The following FBXO34 variants were observed in gnomAD, a reference collection of about 807,000 sequenced individuals.
FBXO34 encodes F-box protein 34.
FBXO34 carries 12 observed loss-of-function variants against 24.5 expected under a neutral mutation model. The ratio of observed to expected loss-of-function variants is 0.49; its 90% CI spans 0.31 to 0.79. FBXO34 has a LOEUF of 0.79. Among genes scored for constraint, FBXO34 ranks in the 30% least tolerant of loss-of-function variants. The pLI is 0.04. For synonymous variants in FBXO34, 320 were observed against 311.9 expected (o/e 1.03, Z -0.27); for missense variants, 823 against 857.7 (o/e 0.96, Z 0.51).
At chr14:55,332,301 G>A (rs1382988449) in intron 1 of FBXO34, among the ~76,000 whole-genome samples, 1 of 151,744 alleles carries the variant, frequency 6.6e-6, no homozygotes, top group Admixed American at 6.6e-5. Context: ...TTATCCTTGG[G>A]CATTTTTCTC....
At chr14:55,393,204 AC>A in the FBXO34 span, among the ~76,000 whole-genome samples, 6 of 145,604 alleles carry the variant, frequency 4.1e-5, no homozygotes, top group African/African-American at 9.9e-5. Flanking sequence ...ACACGGTGAA[AC>A]CCCGTCTCTA....
chr14:55,302,873 A>G (rs1882411907), intron 1 of FBXO34, among the ~76,000 whole-genome samples: 2 of 152,218 alleles, frequency 1.3e-5, no homozygotes, highest in Admixed American at 6.6e-5. Context: ...GCGGCAAAGA[A>G]TTAGGGACTT....
chr14:55,351,328 G>A lies in FBXO34; in HGVS notation c.938G>A (p.Gly313Asp). ...AATAACAGCTTCCGTCGAAATGTGG[G>A]CAGAGTATTGCTTGCAAATAGCACT... is the stretch of plus-strand genomic sequence containing the variant. ...SRNNSFRRNV[G>D]RVLLANSTQA... The change falls in exon 2 of 2, where the codon GGC (glycine) becomes GAC (aspartate). Residue 313 changes from glycine to aspartate, a missense_variant. Around this residue, in one of 2 missense-constraint regions of FBXO34, gnomAD observed 693 missense variants for 659.1 expected, o/e 1.05. Coordinates refer to ENST00000313833, the MANE Select transcript of FBXO34 (RefSeq NM_017943.4). The A allele has an allele frequency of 6.2e-7, 1 of 1,614,210 alleles. No individual in the cohort carries two copies. Among genetic ancestry groups the A allele is most frequent in the South Asian group, 1.1e-5 (1 of 91,082 alleles).
chr14:55,290,202 T>C (rs901645826), intron 1 of FBXO34, among the ~76,000 whole-genome samples: 1 of 152,024 alleles, frequency 6.6e-6, no homozygotes, highest in Non-Finnish European at 1.5e-5. Context: ...GAGACCAGCC[T>C]GGCCAACATG....
the FBXO34 span, chr14:55,411,479 C>G: frequency 1.0e-6 from 1 of 960,192 alleles, no homozygotes; most frequent in South Asian, 1.6e-5. Context: ...GCTACACTCC[C>G]TCTCTCTCGC....
intron 1 of FBXO34, among the ~76,000 whole-genome samples, chr14:55,279,208 C>G (rs963084773): frequency 6.6e-6 from 1 of 151,732 alleles, no homozygotes; most frequent in African/African-American, 2.4e-5. Flanking sequence ...ATTGCTTGAA[C>G]CCGGGAGACG....
At chr14:55,289,186 C>A (rs1400963110) in intron 1 of FBXO34, among the ~76,000 whole-genome samples, 1 of 151,878 alleles carries the variant, frequency 6.6e-6, no homozygotes, top group Non-Finnish European at 1.5e-5. Flanking sequence ...TTTTTTCCCC[C>A]CTTTCCAGCA....
At chr14:55,437,158 G>T in the FBXO34 span, 227 of 715,414 alleles carry the variant, frequency 3.2e-4, no homozygotes, top group Middle Eastern at 1.6e-3. Context: ...TTCATGCACT[G>T]CTTTTTTCTA....
Position 55,313,827 on chromosome 14 carries a change from C to T in FBXO34, c.-10-36554C>T, listed in dbSNP as rs192081842. Among the ~76,000 whole-genome samples, 3 of 152,296 alleles carry T rather than the reference C, an allele frequency of 2.0e-5. No individual in the cohort carries two copies. The East Asian group carries it at 5.8e-4, about 29-fold the overall frequency. ...TACCTCCATCTGCTCCCTCCCTTGA[C>T]ATGCGGAGATTATGGGGATTATAAT... On this transcript the variant is annotated intron_variant, in intron 1 of 1. Coordinates refer to ENST00000313833, the MANE Select transcript of FBXO34 (RefSeq NM_017943.4).
At chr14:55,300,886 C>G (rs527661207) in intron 1 of FBXO34, among the ~76,000 whole-genome samples, 1 of 152,242 alleles carries the variant, frequency 6.6e-6, no homozygotes, top group South Asian at 2.1e-4. Context: ...AGCCTTATAT[C>G]CCAATGAGCA....
At chr14:55,431,816 C>T in the FBXO34 span, among the ~76,000 whole-genome samples, 1 of 152,150 alleles carries the variant, frequency 6.6e-6, no homozygotes, top group Non-Finnish European at 1.5e-5. Flanking sequence ...AATTCAGTCC[C>T]TCAGTTGTAT....
chr14:55,295,935 C>T (rs1882105672), intron 1 of FBXO34, among the ~76,000 whole-genome samples: 1 of 152,118 alleles, frequency 6.6e-6, no homozygotes, highest in Admixed American at 6.6e-5. Flanking sequence ...GCTTTAGCTT[C>T]CCATGATTTA....
At chr14:55,307,707 G>A (rs954826716) in intron 1 of FBXO34, among the ~76,000 whole-genome samples, 3 of 152,112 alleles carry the variant, frequency 2.0e-5, no homozygotes, top group Non-Finnish European at 1.5e-5. Flanking sequence ...AAGTGATGGA[G>A]GAAAAAGTAA....
At chr14:55,387,119 T>A in the FBXO34 span, among the ~76,000 whole-genome samples, 1 of 152,120 alleles carries the variant, frequency 6.6e-6, no homozygotes, top group South Asian at 2.1e-4. Flanking sequence ...CACGCCTTCA[T>A]GCCCTCTTTC....
chr14:55,335,543 C>A (rs571806843), intron 1 of FBXO34: 3 of 152,214 alleles, frequency 2.0e-5, no homozygotes, highest in Admixed American at 6.5e-5. Flanking sequence ...TATGTAGGAA[C>A]CTCTGTACAA....
At position 55,350,501 on chromosome 14, in the gene FBXO34, A is replaced by T. The variant is rs199824919; in HGVS notation, c.111A>T (p.Thr37=). The T allele has an allele frequency of 3.1e-6, 5 of 1,614,012 alleles. No individual in the cohort carries two copies. In the South Asian group the frequency reaches 5.5e-5, roughly 18 times the overall value. ...ACCAAAAGGCTGTAAATGATGAAACATGCAAAGCTAGCCACATAACATCAA... is the reference window on the plus strand; with the variant it reads ...ACCAAAAGGCTGTAAATGATGAAACTTGCAAAGCTAGCCACATAACATCAA... ...MNHQKAVNDE[T]CKASHITSSV... is the part of the protein sequence containing the mutation. Residue 37 remains threonine (T), a synonymous_variant, in exon 2 of 2, where the codon ACA becomes ACT. Transcript: ENST00000313833.
the FBXO34 span, among the ~76,000 whole-genome samples, chr14:55,388,775 T>C: frequency 6.6e-6 from 1 of 152,086 alleles, no homozygotes; most frequent in African/African-American, 2.4e-5. Context: ...GTCTAGAGGG[T>C]GGGAAGGAGA....
intron 1 of FBXO34, among the ~76,000 whole-genome samples, chr14:55,280,527 C>T (rs112508138): frequency 0.064 from 8,027 of 125,786 alleles, 360 homozygotes; most frequent in South Asian, 0.099. Context: ...ATATCAGGAA[C>T]TTTTTTTTTT....
chr14:55,274,221 T>C lies in FBXO34; in HGVS notation c.-11+2684T>C, dbSNP rs145891526. On this transcript the variant is annotated intron_variant, in intron 1 of 1. Transcript: ENST00000313833. ...GTGCATTTTTCCTCTCTATTTTGCT[T>C]AGCAGTTAGGAAGTTTTTATTTTTC... 5.6e-3 allele frequency among the ~76,000 whole-genome samples: 860 copies of C among 152,348 alleles called. 12 individuals are homozygous for C. The highest frequency in any genetic ancestry group is 0.019 in the African/African-American group (789 of 41,574).
Sources: allele counts gnomAD v4.1 joint callset (sites outside exome capture counted in the v4.1 genomes callset), GRCh38; gene constraint gnomAD v4.1.1; regional missense constraint gnomAD v4.1.1; transcripts MANE v1.5; gene names NCBI Gene and HGNC (gene_info 2026-07-23, HGNC 2026-07-21).